Variants in CENPU observed in about 807,000 individuals in gnomAD.
CENPU encodes the protein KSHV latent nuclear antigen interacting protein 1.
A neutral mutation model predicts 56.7 loss-of-function variants in CENPU; 46 were observed. The ratio of observed to expected loss-of-function variants is 0.81; its 90% CI spans 0.64 to 1.04. CENPU has a LOEUF of 1.04. Among genes scored for constraint, CENPU ranks in the 50% least tolerant of loss-of-function variants. CENPU has a pLI of 0.00. For synonymous variants in CENPU, 166 were observed against 163.0 expected (o/e 1.02, Z -0.14); for missense variants, 510 against 490.1 (o/e 1.04, Z -0.38).
chr4:184,722,821 G>C (rs1355801407), intron 4 of CENPU, among the ~76,000 whole-genome samples: 1 of 152,110 alleles, frequency 6.6e-6, no homozygotes, highest in Non-Finnish European at 1.5e-5. Context: ...TAAACAGTTT[G>C]CAGAAAGAGA....
At chr4:184,727,305 A>T (rs1761490742) in intron 3 of CENPU, among the ~76,000 whole-genome samples, 1 of 152,188 alleles carries the variant, frequency 6.6e-6, no homozygotes. Context: ...GTTGTTTAAT[A>T]GGTGGAGCAT....
intron 2 of CENPU, among the ~76,000 whole-genome samples, chr4:184,729,747 A>C (rs1431682703): frequency 6.6e-6 from 1 of 152,170 alleles, no homozygotes; most frequent in Non-Finnish European, 1.5e-5. Context: ...CATGTGTAAA[A>C]ACTCCTGACT....
chr4:184,716,477 A>C lies in CENPU; in HGVS notation c.538T>G (p.Ser180Ala). 1.2e-6 allele frequency: 2 copies of C among 1,614,166 alleles called. No homozygotes were observed. Among genetic ancestry groups the C allele is most frequent in the Non-Finnish European group, 1.7e-6 (2 of 1,180,034 alleles). ...SSELSEKPAESVTSKKTGPLS... is the reference protein window; with the variant it reads ...SSELSEKPAEAVTSKKTGPLS... ...GGTCCTGTCTTTTTAGAAGTGACAG[A>C]CTCAGCTGGTTTCTCTGAAAGTTCT... Residue 180 changes from serine to alanine, a missense_variant, in exon 6 of 13, where the codon TCT (serine) becomes GCT (alanine). Physicochemically the swap from Ser to Ala is moderately conservative, Grantham distance 99. Transcript: ENST00000281453.
chr4:184,716,591 T>C lies in CENPU; in HGVS notation c.424A>G (p.Ile142Val), dbSNP rs1453728494. 4 of 1,614,214 alleles carry C rather than the reference T, an allele frequency of 2.5e-6. No homozygotes were observed. The highest frequency in any genetic ancestry group is 2.2e-5 in the East Asian group (1 of 44,878). ...LRPISDDSES[I>V]EESDTRRKVK... is the part of the protein sequence containing the mutation. Reference sequence around the variant, plus strand: ...TTTCTCCTTGTATCACTTTCTTCAATGCTTTCAGAGTCATCACTAATGGGC... The same window carrying C: ...TTTCTCCTTGTATCACTTTCTTCAACGCTTTCAGAGTCATCACTAATGGGC... Residue 142 changes from isoleucine to valine, a missense_variant, in exon 6 of 13, where the codon ATT (isoleucine) becomes GTT (valine). Ile to Val is a conservative substitution (Grantham distance 29). Coordinates refer to ENST00000281453, the MANE Select transcript of CENPU (RefSeq NM_024629.4).
intron 3 of CENPU, among the ~76,000 whole-genome samples, chr4:184,726,952 T>G: frequency 7.6e-5 from 1 of 13,226 alleles, no homozygotes; most frequent in Non-Finnish European, 1.5e-4. Flanking sequence ...TAGCCAGGCG[T>G]GGTGGTGGTG....
chr4:184,727,348 T>C (rs1006677757), intron 3 of CENPU, among the ~76,000 whole-genome samples: 1 of 152,096 alleles, frequency 6.6e-6, no homozygotes, highest in Non-Finnish European at 1.5e-5. Flanking sequence ...GTTCTGGAGA[T>C]GGATGGTGAT....
At position 184,713,082 on chromosome 4, in the gene CENPU, T is replaced by C; in HGVS notation, c.619-69A>G. The C allele has an allele frequency of 3.0e-6, 3 of 1,003,806 alleles. No individual in the cohort carries two copies. The Admixed American group carries it at 6.3e-5, about 21-fold the overall frequency. 62.2% of individuals were successfully genotyped at this position (1,003,806 alleles called of 1,614,324 possible). A position where few individuals can be genotyped will look rare whatever the true frequency, so the allele number is the denominator to read the frequency against. On this transcript the variant is annotated intron_variant, in intron 6 of 12. Transcript: ENST00000281453. ...TCTCTTAAAACATTAGGATTAAGAC[T>C]GTCACCAAACTGTCATTCAATATTT... is the stretch of plus-strand genomic sequence containing the variant.
Position 184,717,178 on chromosome 4 carries a change from A to G in CENPU, c.339T>C (p.Asn113=). 6.2e-7 allele frequency: 1 copy of G among 1,612,464 alleles called. No homozygotes were observed. Among genetic ancestry groups the G allele is most frequent in the Non-Finnish European group, 8.5e-7 (1 of 1,179,660 alleles). Residue 113 remains asparagine, a synonymous_variant, in exon 5 of 13, where the codon AAT becomes AAC. Transcript: ENST00000281453. The part of the protein sequence containing the change: ...EAKRSSDTSG[N]EASEIESVKI... ...TTACAGATTCGATTTCACTTGCTTCATTTCCAGAAGTGTCTGAACTGTAAA... is the reference window on the plus strand; with the variant it reads ...TTACAGATTCGATTTCACTTGCTTCGTTTCCAGAAGTGTCTGAACTGTAAA...
In CENPU at chr4:184,710,092, C is replaced by T. The variant is rs757432230; in HGVS notation, c.777G>A (p.Glu259=). ...KELNIVLPEF[E]KTHLEHQQRI... ...CTTACTGATGCTCTAGGTGGGTTTT[C>T]TCAAATTCAGGCAAAACAATATTCA... Residue 259 remains glutamate, a synonymous_variant, in exon 8 of 13, where the codon GAG becomes GAA. Transcript: ENST00000281453. The T allele has an allele frequency of 1.2e-6, 2 of 1,609,654 alleles. No individual in the cohort carries two copies. The highest frequency in any genetic ancestry group is 1.7e-5 in the Admixed American group (1 of 59,660).
At chr4:184,697,425 C>T (rs7653902) in intron 12 of CENPU, among the ~76,000 whole-genome samples, 6,538 of 148,272 alleles carry the variant, frequency 0.044, 464 homozygotes, top group African/African-American at 0.15. Context: ...AAATACCTTA[C>T]ACAATCAGCA....
In CENPU at chr4:184,695,311, C is replaced by G. The variant is rs2150195472; in HGVS notation, c.1234G>C (p.Glu412Gln). ...TCTCATCCCTGGTCAAGGAGCTTCT[C>G]TAACTGATGGTTGATATTTCGCAGA... ...SHLRNINHQL[E>Q]KLLDQG Residue 412 changes from glutamate to glutamine, a missense_variant, in exon 13 of 13, where the codon GAG becomes CAG. Coordinates refer to ENST00000281453, the MANE Select transcript of CENPU (RefSeq NM_024629.4). The G allele has an allele frequency of 6.2e-7, 1 of 1,613,288 alleles. No homozygotes were observed. The highest frequency in any genetic ancestry group is 2.2e-5 in the East Asian group (1 of 44,854).
At chr4:184,730,806 T>C (rs952055935) in intron 2 of CENPU, 114 bp downstream of exon 2, 6 of 660,390 alleles carry the variant, frequency 9.1e-6, no homozygotes, top group Admixed American at 6.6e-5. Flanking sequence ...ACACACTTTT[T>C]CACTACAATA....
intron 3 of CENPU, among the ~76,000 whole-genome samples, chr4:184,725,875 T>C (rs560750743): frequency 4.6e-5 from 7 of 152,276 alleles, no homozygotes; most frequent in Non-Finnish European, 8.8e-5. Flanking sequence ...AGGAGAAAGA[T>C]GCTCCTAGCG....
At chr4:184,707,405 T>A (rs982056433) in intron 8 of CENPU, among the ~76,000 whole-genome samples, 3 of 152,146 alleles carry the variant, frequency 2.0e-5, no homozygotes, top group Non-Finnish European at 2.9e-5. Context: ...TCTGTCCCTG[T>A]GTCCTCAAGA....
chr4:184,700,294 T>TAAC (rs147024993), intron 11 of CENPU, among the ~76,000 whole-genome samples: 27,016 of 152,056 alleles, frequency 0.18, 2,666 homozygotes, highest in African/African-American at 0.26. Context: ...CCTTCGACAA[T>TAAC]AACATAAACA....
chr4:184,725,648 G>C (rs1761425877), intron 3 of CENPU, among the ~76,000 whole-genome samples: 1 of 152,142 alleles, frequency 6.6e-6, no homozygotes, highest in Non-Finnish European at 1.5e-5. Context: ...GGCCTAGAGA[G>C]GTCACCTCAC....
chr4:184,716,289 A>G, intron 6 of CENPU, 108 bp downstream of exon 6: 1 of 739,098 alleles, frequency 1.4e-6, no homozygotes, highest in Non-Finnish European at 2.2e-6. Flanking sequence ...GAAAATATAA[A>G]ATTTATCTTT....
chr4:184,706,825 G>A (rs1365489781), intron 8 of CENPU, among the ~76,000 whole-genome samples: 4 of 152,156 alleles, frequency 2.6e-5, no homozygotes, highest in African/African-American at 2.4e-5. Context: ...AAAATACTAT[G>A]CCTCTTCTAA....
In CENPU at chr4:184,704,900, CA is replaced by C. The variant is rs1463181317; in HGVS notation, c.798-2460del. On this transcript the variant is annotated intron_variant, in intron 8 of 12. Coordinates refer to ENST00000281453, the MANE Select transcript of CENPU (RefSeq NM_024629.4). Reference sequence around the variant, plus strand: ...ACACAATAAAAAGAAAATATTTCTACACTTCACACCTATCACAATGGCTAAA... The same window carrying C: ...ACACAATAAAAAGAAAATATTTCTACCTTCACACCTATCACAATGGCTAAA... Among the ~76,000 whole-genome samples, 5 of 152,162 alleles carry C rather than the reference CA, an allele frequency of 3.3e-5. No homozygotes were observed. The East Asian group carries it at 9.6e-4, about 29-fold the overall frequency.
Sources: gnomAD v4.1 joint callset for allele counts (sites outside exome capture counted in the v4.1 genomes callset) on GRCh38, gnomAD v4.1.1 for gene constraint, MANE v1.5 for transcripts, NCBI Gene and HGNC (gene_info 2026-07-23, HGNC 2026-07-21) for gene names.